Variants in CNST observed in about 807,000 individuals in gnomAD.
CNST encodes the protein consortin.
A neutral mutation model predicts 72.4 loss-of-function variants in CNST; 39 were observed. The observed-to-expected ratio is 0.54, with a 90% CI of 0.42 to 0.70. The LOEUF (loss-of-function observed/expected upper bound fraction) is 0.70, where lower values mean the gene tolerates loss of function less well. Among genes scored for constraint, CNST ranks in the 30% least tolerant of loss-of-function variants. The pLI, the probability that CNST is intolerant of heterozygous loss-of-function variation, is 0.00. For synonymous variants in CNST, 332 were observed against 320.1 expected (o/e 1.04, Z -0.40); for missense variants, 871 against 868.5 (o/e 1.00, Z -0.04).
chr1:246,581,060 T>TA (rs1255401632), intron 1 of CNST, among the ~76,000 whole-genome samples: 3 of 151,764 alleles, frequency 2.0e-5, no homozygotes, highest in South Asian at 2.1e-4. Context: ...TTATAGCATG[T>TA]AAAAAAAATG....
At chr1:246,620,699 G>C (rs1202306390) in intron 2 of CNST, among the ~76,000 whole-genome samples, 2 of 133,474 alleles carry the variant, frequency 1.5e-5, no homozygotes. Context: ...CAGGGAGGAC[G>C]GCTTCAGTCG....
chr1:246,664,630 G>C (rs1042284397), intron 10 of CNST, among the ~76,000 whole-genome samples: 2 of 151,806 alleles, frequency 1.3e-5, no homozygotes, highest in Non-Finnish European at 2.9e-5. Context: ...GTTTCACCGT[G>C]TCAGCCAGGA....
intron 1 of CNST, among the ~76,000 whole-genome samples, chr1:246,572,101 TCAC>T (rs1368850327): frequency 3.9e-5 from 6 of 152,158 alleles, no homozygotes; most frequent in African/African-American, 1.4e-4. Context: ...TGCCTGGGAC[TCAC>T]GCCTGTAGTC....
intron 2 of CNST, among the ~76,000 whole-genome samples, chr1:246,593,973 G>T (rs1316678452): frequency 6.6e-6 from 1 of 152,058 alleles, no homozygotes; most frequent in Non-Finnish European, 1.5e-5. Context: ...ATCTCGCACT[G>T]TTGCCCAGGC....
chr1:246,616,446 T>C (rs1663697338), intron 2 of CNST, among the ~76,000 whole-genome samples: 2 of 152,136 alleles, frequency 1.3e-5, no homozygotes, highest in African/African-American at 4.8e-5. Flanking sequence ...TGGTTCCAGC[T>C]ACTCGGGACA....
intron 3 of CNST, among the ~76,000 whole-genome samples, chr1:246,627,255 G>C (rs915583853): frequency 1.3e-5 from 2 of 152,188 alleles, no homozygotes; most frequent in Non-Finnish European, 2.9e-5. Flanking sequence ...TAGAATAAAA[G>C]CCAAAATCCT....
intron 3 of CNST, among the ~76,000 whole-genome samples, chr1:246,625,667 G>A (rs187131282): frequency 1.9e-4 from 29 of 152,004 alleles, no homozygotes; most frequent in Non-Finnish European, 2.8e-4. Flanking sequence ...CGATCCGCCC[G>A]CCTCGGCCTC....
Position 246,621,518 on chromosome 1 carries a change from G to A in CNST, c.469G>A (p.Val157Ile), listed in dbSNP as rs1664091219. Residue 157 changes from valine to isoleucine, a missense_variant, in exon 3 of 11, where the codon GTA becomes ATA. Val to Ile is a conservative substitution (Grantham distance 29). Transcript: ENST00000366513. ...TGTTGATGATGAAGAAGCTGCTGAA[G>A]TAAATGCTAATGAGCAGCCAGAGGC... ...YAVDDEEAAEVNANEQPEAPK... is the reference protein window; with the variant it reads ...YAVDDEEAAEINANEQPEAPK... 6.2e-7 allele frequency: 1 copy of A among 1,614,136 alleles called. No individual in the cohort carries two copies. Among genetic ancestry groups the A allele is most frequent in the Non-Finnish European group, 8.5e-7 (1 of 1,179,970 alleles).
At chr1:246,602,827 G>A (rs1490512032) in intron 2 of CNST, among the ~76,000 whole-genome samples, 1 of 151,918 alleles carries the variant, frequency 6.6e-6, no homozygotes, top group East Asian at 1.9e-4. Context: ...CACCTTTCCT[G>A]AGATTGCAGG....
In CNST at chr1:246,594,731, T is replaced by A. The variant is rs114479374; in HGVS notation, c.379+2790T>A. Among the ~76,000 whole-genome samples, 711 of 152,328 alleles carry A rather than the reference T, an allele frequency of 4.7e-3. 4 individuals are homozygous for A. Among genetic ancestry groups the A allele is most frequent in the African/African-American group, 0.016 (677 of 41,570 alleles). Reference sequence around the variant, plus strand: ...TTGCAGTGAGCCAAGATCCTGCCACTGCACTCCAGTCTAGGCGATAGTGCC... The same window carrying A: ...TTGCAGTGAGCCAAGATCCTGCCACAGCACTCCAGTCTAGGCGATAGTGCC... On this transcript the variant is annotated intron_variant, in intron 2 of 10. Coordinates refer to ENST00000366513, the MANE Select transcript of CNST (RefSeq NM_152609.3).
chr1:246,600,395 G>A (rs964134624), intron 2 of CNST, among the ~76,000 whole-genome samples: 4 of 152,236 alleles, frequency 2.6e-5, no homozygotes, highest in East Asian at 1.9e-4. Context: ...TCAGTCTGCA[G>A]TGTGGAGAAT....
chr1:246,665,793 T>C lies in CNST; in HGVS notation c.2066T>C (p.Phe689Ser). Reference protein sequence around the residue: ...SVGGTALYCTFGDMESPVCTD... With the variant: ...SVGGTALYCTSGDMESPVCTD... ...GGAGGAACTGCATTATACTGCACTT[T>C]CGGTGACATGGAGTCACCTGTTTGT... is the stretch of plus-strand genomic sequence containing the variant. The change falls in exon 11 of 11, where the codon TTC becomes TCC. Residue 689 changes from phenylalanine to serine, a missense_variant. By Grantham distance (155) the Phe-to-Ser change is radical (BLOSUM62 -2). Transcript: ENST00000366513. The C allele has an allele frequency of 6.2e-7, 1 of 1,613,898 alleles. No homozygotes were observed. Among genetic ancestry groups the C allele is most frequent in the Non-Finnish European group, 8.5e-7 (1 of 1,179,828 alleles).
Position 246,634,461 on chromosome 1 carries a change from CTTTAAA to C in CNST, c.704-7_704-2del. ...TATAAGAGCCAGTGACTAACAAATACTTTAAATTTAGAAACAAAATGGAAAACTGTG... is the reference window on the plus strand; with the variant it reads ...TATAAGAGCCAGTGACTAACAAATACTTTAGAAACAAAATGGAAAACTGTG... On this transcript the variant is annotated splice_polypyrimidine_tract_variant and splice_region_variant and intron_variant, in intron 5 of 10. Transcript: ENST00000366513. The C allele has an allele frequency of 6.6e-7, 1 of 1,522,426 alleles. No individual in the cohort carries two copies. Among genetic ancestry groups the C allele is most frequent in the East Asian group, 2.3e-5 (1 of 43,796 alleles). The allele number at this position is 1,522,426 out of a possible 1,614,324, so 94.3% of individuals were successfully genotyped here. A position where few individuals can be genotyped will look rare whatever the true frequency, so the allele number is the denominator to read the frequency against.
chr1:246,598,127 G>A (rs1439370501), intron 2 of CNST, among the ~76,000 whole-genome samples: 1 of 151,146 alleles, frequency 6.6e-6, no homozygotes, highest in African/African-American at 2.4e-5. Flanking sequence ...GACTACAAGC[G>A]CATGCCGCTG....
chr1:246,591,210 A>G (rs1045242133), intron 1 of CNST, among the ~76,000 whole-genome samples: 10 of 152,154 alleles, frequency 6.6e-5, no homozygotes, highest in African/African-American at 2.4e-4. Context: ...TACCTAGAGA[A>G]CTTGAAAAAT....
Position 246,641,735 on chromosome 1 carries a change from C to CT in CNST, c.819-8dup, listed in dbSNP as rs1206882729. Reference sequence around the variant, plus strand: ...ATTTTTTTAAAATTCTTTTTTCTTTCTTTTTTCCTACAGTCCTCTTTTATC... The same window carrying CT: ...ATTTTTTTAAAATTCTTTTTTCTTTCTTTTTTTCCTACAGTCCTCTTTTATC... On this transcript the variant is annotated splice_polypyrimidine_tract_variant and intron_variant, in intron 6 of 10. Coordinates refer to ENST00000366513, the MANE Select transcript of CNST (RefSeq NM_152609.3). 16 of 1,298,574 alleles carry CT rather than the reference C, an allele frequency of 1.2e-5. No homozygotes were observed. Among genetic ancestry groups the CT allele is most frequent in the Non-Finnish European group, 1.6e-5 (15 of 909,936 alleles). 80.4% of individuals were successfully genotyped at this position (1,298,574 alleles called of 1,614,324 possible). A position where few individuals can be genotyped will look rare whatever the true frequency, so the allele number is the denominator to read the frequency against.
chr1:246,665,746 A>G lies in CNST; in HGVS notation c.2019A>G (p.Ile673Met). 1 of 1,613,658 alleles carries G rather than the reference A, an allele frequency of 6.2e-7. No individual in the cohort carries two copies. The highest frequency in any genetic ancestry group is 8.5e-7 in the Non-Finnish European group (1 of 1,180,032). Residue 673 changes from isoleucine to methionine, a missense_variant, in exon 11 of 11, where the codon ATA becomes ATG. Coordinates refer to ENST00000366513, the MANE Select transcript of CNST (RefSeq NM_152609.3). Reference protein sequence around the residue: ...GSCILLVLLCIATVFLSVGGT... With the variant: ...GSCILLVLLCMATVFLSVGGT... ...GTATTTTGCTGGTCTTGCTGTGCAT[A>G]GCAACGGTTTTCCTCAGTGTTGGAG...
intron 9 of CNST, among the ~76,000 whole-genome samples, chr1:246,659,531 A>T (rs530535336): frequency 3.3e-5 from 5 of 151,638 alleles, no homozygotes; most frequent in African/African-American, 7.3e-5. Context: ...GGAGGCGGAG[A>T]TTGCAGTGAG....
At chr1:246,659,286 C>G (rs1426348501) in intron 9 of CNST, among the ~76,000 whole-genome samples, 2 of 152,202 alleles carry the variant, frequency 1.3e-5, no homozygotes, top group Non-Finnish European at 2.9e-5. Flanking sequence ...TTGCCAACCT[C>G]TGCATACTAG....
Sources: gnomAD v4.1 joint callset for allele counts (sites outside exome capture counted in the v4.1 genomes callset) on GRCh38, gnomAD v4.1.1 for gene constraint, MANE v1.5 for transcripts, NCBI Gene and HGNC (gene_info 2026-07-23, HGNC 2026-07-21) for gene names.